Variants in STK3 observed in about 807,000 individuals in gnomAD.
STK3 encodes serine/threonine kinase 3.
In STK3, 41 loss-of-function variants were observed where a neutral mutation model predicts 58.0. The observed-to-expected ratio is 0.71, with a 90% CI of 0.55 to 0.92. The LOEUF is 0.92. STK3 is among the 40% of genes least tolerant of loss of function. STK3 has a pLI of 0.00. For missense variants in STK3, 479 were observed against 602.7 expected, an observed-to-expected ratio of 0.79 and a Z score of 2.15; for synonymous variants, 170 against 191.0, an observed-to-expected ratio of 0.89 and a Z score of 0.91.
the STK3 span, among the ~76,000 whole-genome samples, chr8:98,350,911 C>A: frequency 1.2e-4 from 19 of 152,142 alleles, no homozygotes; most frequent in Non-Finnish European, 2.4e-4. Context: ...CTTTAAGATA[C>A]ACTCTAATAA....
chr8:98,672,574 AAAAG>A (rs572142591), intron 6 of STK3, among the ~76,000 whole-genome samples: 275 of 152,348 alleles, frequency 1.8e-3, no homozygotes, highest in African/African-American at 6.2e-3. Context: ...GCACATTTAG[AAAAG>A]AAAGAGGTTT....
At chr8:98,711,036 AG>A (rs1207143127) in intron 4 of STK3, among the ~76,000 whole-genome samples, 1 of 152,208 alleles carries the variant, frequency 6.6e-6, no homozygotes, top group African/African-American at 2.4e-5. Flanking sequence ...CAGAGTCTGG[AG>A]TGGACCTCCA....
At chr8:98,427,865 A>G (rs1818260428) in intron 3 of STK3, 3 of 814,562 alleles carry the variant, frequency 3.7e-6, no homozygotes, top group East Asian at 5.4e-5. Flanking sequence ...TGGGCCCGCC[A>G]GTAATGGGTA....
At chr8:98,919,280 G>A (rs1479393667) in intron 1 of STK3, among the ~76,000 whole-genome samples, 1 of 152,182 alleles carries the variant, frequency 6.6e-6, no homozygotes, top group African/African-American at 2.4e-5. Context: ...GCCAAGGTCT[G>A]ACTTGAGAGA....
intron 1 of STK3, chr8:98,905,175 T>C: frequency 8.7e-7 from 1 of 1,146,522 alleles, no homozygotes; most frequent in Admixed American, 1.7e-5. Flanking sequence ...CTTACACTGA[T>C]AGCAGCCACA....
chr8:98,643,028 G>A (rs1478981837), intron 6 of STK3, among the ~76,000 whole-genome samples: 1 of 152,070 alleles, frequency 6.6e-6, no homozygotes, highest in Non-Finnish European at 1.5e-5. Flanking sequence ...TTTGGGACCA[G>A]CTTGAGCAAC....
intron 8 of STK3, among the ~76,000 whole-genome samples, chr8:98,561,553 C>T (rs1297181526): frequency 6.6e-6 from 1 of 152,076 alleles, no homozygotes; most frequent in Non-Finnish European, 1.5e-5. Flanking sequence ...CTGGTAATCC[C>T]AGTACTTCAG....
chr8:98,476,404 C>T (rs1201535579), intron 10 of STK3, among the ~76,000 whole-genome samples: 4 of 152,138 alleles, frequency 2.6e-5, no homozygotes, highest in Non-Finnish European at 4.4e-5. Flanking sequence ...GACACTGACA[C>T]GGGGTCACTG....
At chr8:98,850,115 G>A (rs1023861586) in intron 3 of STK3, among the ~76,000 whole-genome samples, 3 of 151,916 alleles carry the variant, frequency 2.0e-5, no homozygotes, top group East Asian at 3.9e-4. Context: ...TTCACCTTCC[G>A]CACTTTGGTT....
chr8:98,415,732 C>G (rs1818107853), intron 3 of STK3, among the ~76,000 whole-genome samples: 1 of 152,238 alleles, frequency 6.6e-6, no homozygotes, highest in Non-Finnish European at 1.5e-5. Flanking sequence ...TTTCTCTAGA[C>G]TCAATAAAAG....
intron 6 of STK3, chr8:98,651,327 CA>C: frequency 6.6e-6 from 1 of 152,354 alleles, no homozygotes; most frequent in Non-Finnish European, 1.5e-5. Context: ...ACATCCACAC[CA>C]AAAACCCATC....
rs903796479 is a variant in STK3, at chr8:98,800,631, G to A, written c.26+24884C>T. ...ACCAGGACTGCGCGCAGCACTCATG[G>A]GCCAGCACGAGTTCCGGGTGGGTGT... On this transcript the variant is annotated intron_variant, in intron 1 of 10. Coordinates refer to ENST00000419617, the MANE Select transcript of STK3 (RefSeq NM_006281.4). This position sits in a 1 kb window ranked among gnomAD's most constrained non-coding sequence, Gnocchi z 4.8. Among the ~76,000 whole-genome samples, 55 of 152,346 alleles carry A rather than the reference G, an allele frequency of 3.6e-4. No individual in the cohort carries two copies. The highest frequency in any genetic ancestry group is 1.2e-3 in the African/African-American group (51 of 41,596).
At chr8:98,532,177 G>A (rs975483051) in intron 9 of STK3, among the ~76,000 whole-genome samples, 1 of 152,136 alleles carries the variant, frequency 6.6e-6, no homozygotes, top group African/African-American at 2.4e-5. Flanking sequence ...TCCTCACTAA[G>A]TTTAATCATT....
rs192249762 is a variant in STK3 at position 98,521,332 on chromosome 8, A to G, written c.1317+5410T>C. On this transcript the variant is annotated intron_variant, in intron 10 of 10. Transcript: ENST00000419617. ...TTTATTATTTTTTTTTGGTACTGTC[A>G]CCATTTATCATTTGGTTCCTCACCT... Among the ~76,000 whole-genome samples, 7 of 151,850 alleles carry G rather than the reference A, an allele frequency of 4.6e-5. No individual in the cohort carries two copies. In the East Asian group the frequency reaches 1.2e-3, roughly 25 times the overall value.
chr8:98,908,852 A>G (rs1274649559), intron 1 of STK3, among the ~76,000 whole-genome samples: 4 of 150,330 alleles, frequency 2.7e-5, no homozygotes, highest in Non-Finnish European at 5.9e-5. Flanking sequence ...TCAAAAAAAA[A>G]AAAAAAAAAA....
intron 8 of STK3, among the ~76,000 whole-genome samples, chr8:98,569,207 G>C (rs1362746976): frequency 6.6e-6 from 1 of 151,902 alleles, no homozygotes; most frequent in Non-Finnish European, 1.5e-5. Flanking sequence ...TCAATTAAGG[G>C]TAAATGTACA....
chr8:98,842,040 A>G (rs192598906), intron 3 of STK3, among the ~76,000 whole-genome samples: 2 of 152,276 alleles, frequency 1.3e-5, no homozygotes, highest in African/African-American at 4.8e-5. Flanking sequence ...ATTCACAAAT[A>G]TAACAAGCTC....
intron 4 of STK3, among the ~76,000 whole-genome samples, chr8:98,733,964 G>A (rs1393192574): frequency 6.6e-6 from 1 of 152,190 alleles, no homozygotes; most frequent in African/African-American, 2.4e-5. Flanking sequence ...CTGTACAGGA[G>A]GCATGGCTGG....
At chr8:98,551,726 C>A (rs1026343610) in intron 8 of STK3, among the ~76,000 whole-genome samples, 1 of 152,116 alleles carries the variant, frequency 6.6e-6, no homozygotes. Context: ...CTTTAAAAAC[C>A]TTTGTCTTCC....
Sources: allele counts gnomAD v4.1 joint callset (sites outside exome capture counted in the v4.1 genomes callset), GRCh38; gene constraint gnomAD v4.1.1; non-coding constraint Gnocchi (gnomAD v3.1); transcripts MANE v1.5; gene names NCBI Gene and HGNC (gene_info 2026-07-23, HGNC 2026-07-21).